Variants in GP1BA observed in about 807,000 individuals in gnomAD.
GP1BA encodes the protein glycoprotein Ib platelet subunit alpha.
Under a neutral mutation model 5.6 loss-of-function variants are expected in GP1BA, and 3 were observed. The observed-to-expected ratio is 0.53, with a 90% CI of 0.24 to 1.38. GP1BA has a LOEUF of 1.38. Among genes scored for constraint, GP1BA ranks in the 40% most tolerant of loss-of-function variants. GP1BA has a pLI of 0.16. For missense variants in GP1BA, 707 were observed against 801.4 expected (o/e 0.88, Z 1.42); for synonymous variants, 323 against 358.3 (o/e 0.90, Z 1.11).
Position 4,933,580 on chromosome 17 carries a change from T to C in GP1BA, c.976T>C (p.Phe326Leu). Reference sequence around the variant, plus strand: ...AGCCCATACAACCCCCTGGGGTCTATTCTACTCATGGTCCACTGCTTCTCT... The same window carrying C: ...AGCCCATACAACCCCCTGGGGTCTACTCTACTCATGGTCCACTGCTTCTCT... Reference protein sequence around the residue: ...TKAHTTPWGLFYSWSTASLDS... With the variant: ...TKAHTTPWGLLYSWSTASLDS... The change falls in exon 2 of 2, where the codon TTC becomes CTC. Residue 326 changes from phenylalanine to leucine, a missense_variant. Transcript: ENST00000329125. 6.2e-7 allele frequency: 1 copy of C among 1,613,864 alleles called. No homozygotes were observed. The highest frequency in any genetic ancestry group is 8.5e-7 in the Non-Finnish European group (1 of 1,179,840).
rs1461825232 is a variant in GP1BA at position 4,934,575 on chromosome 17, T to G, written c.*12T>G. 1.9e-6 allele frequency: 3 copies of G among 1,613,054 alleles called. No homozygotes were observed. Among genetic ancestry groups the G allele is most frequent in the Non-Finnish European group, 2.5e-6 (3 of 1,179,500 alleles). ...GCCACAGCCTCTGAGGGTGGGAGGTTTGGGGACCTTGAGAGAAGAGCCTGT... is the reference window on the plus strand; with the variant it reads ...GCCACAGCCTCTGAGGGTGGGAGGTGTGGGGACCTTGAGAGAAGAGCCTGT... On this transcript the variant is annotated 3_prime_UTR_variant, in exon 2 of 2. Coordinates refer to ENST00000329125, the MANE Select transcript of GP1BA (RefSeq NM_000173.7).
chr17:4,934,525 A>C lies in GP1BA; in HGVS notation c.1921A>C (p.Ser641Arg). The C allele has an allele frequency of 6.2e-7, 1 of 1,613,996 alleles. No individual in the cohort carries two copies. The highest frequency in any genetic ancestry group is 8.5e-7 in the Non-Finnish European group (1 of 1,179,896). Residue 641 changes from serine to arginine, a missense_variant, in exon 2 of 2, where the codon AGC becomes CGC. Ser to Arg is a moderately radical substitution (Grantham distance 110). Transcript: ENST00000329125. ...TCAGGGTCGTGGTCAGGACCTGCTG[A>C]GCACAGTGAGCATTAGGTACTCTGG... is the stretch of plus-strand genomic sequence containing the variant. ...LSQGRGQDLL[S>R]TVSIRYSGHS...
At position 4,934,421 on chromosome 17, in the gene GP1BA, G is replaced by C; in HGVS notation, c.1817G>C (p.Arg606Pro). The change falls in exon 2 of 2, where the codon CGC becomes CCC. Residue 606 changes from arginine to proline, a missense_variant. Coordinates refer to ENST00000329125, the MANE Select transcript of GP1BA (RefSeq NM_000173.7). Reference protein sequence around the residue: ...LFLRGSLPTFRSSLFLWVRPN... With the variant: ...LFLRGSLPTFPSSLFLWVRPN... Reference sequence around the variant, plus strand: ...CTTCGAGGTTCGCTTCCCACTTTCCGCTCCAGCCTCTTCCTGTGGGTACGG... The same window carrying C: ...CTTCGAGGTTCGCTTCCCACTTTCCCCTCCAGCCTCTTCCTGTGGGTACGG... 1 of 1,614,004 alleles carries C rather than the reference G, an allele frequency of 6.2e-7. No individual in the cohort carries two copies. Among genetic ancestry groups the C allele is most frequent in the South Asian group, 1.1e-5 (1 of 91,092 alleles).
Position 4,934,597 on chromosome 17 carries a change from C to CT in GP1BA, c.*35dup, listed in dbSNP as rs746572752. 12 of 1,605,144 alleles carry CT rather than the reference C, an allele frequency of 7.5e-6. No homozygotes were observed. The highest frequency in any genetic ancestry group is 9.4e-6 in the Non-Finnish European group (11 of 1,174,992). On this transcript the variant is annotated 3_prime_UTR_variant, in exon 2 of 2. Coordinates refer to ENST00000329125, the MANE Select transcript of GP1BA (RefSeq NM_000173.7). ...GGTTTGGGGACCTTGAGAGAAGAGC[C>CT]TGTGGGCTCTCCTATTGGAATCTAG...
rs1970357418 is a variant in GP1BA, at chr17:4,932,612, T to G, written c.8T>G (p.Leu3Arg). ...CCTTGCCCACAGGTCCTCATGCCTCTCCTCCTCTTGCTGCTCCTGCTGCCA... is the reference window on the plus strand; with the variant it reads ...CCTTGCCCACAGGTCCTCATGCCTCGCCTCCTCTTGCTGCTCCTGCTGCCA... MP[L>R]LLLLLLLPSP... The change falls in exon 2 of 2, where the codon CTC becomes CGC. Residue 3 changes from leucine (L) to arginine (R), a missense_variant. By Grantham distance (102) the Leu-to-Arg change is moderately radical (BLOSUM62 -2). Coordinates refer to ENST00000329125, the MANE Select transcript of GP1BA (RefSeq NM_000173.7). The surrounding 1 kb of genome is among the most constrained non-coding windows in gnomAD (Gnocchi z 4.8). 1 of 1,612,958 alleles carries G rather than the reference T, an allele frequency of 6.2e-7. No homozygotes were observed. The highest frequency in any genetic ancestry group is 1.3e-5 in the African/African-American group (1 of 74,824).
Position 4,932,829 on chromosome 17 carries a change from G to C in GP1BA, c.225G>C (p.Gln75His), listed in dbSNP as rs1970361979. ...ATLMPYTRLTQLNLDRCELTK... is the reference protein window; with the variant it reads ...ATLMPYTRLTHLNLDRCELTK... ...TGATGCCTTACACTCGCCTCACTCA[G>C]CTGAACCTAGATAGGTGCGAGCTCA... Residue 75 changes from glutamine to histidine, a missense_variant, in exon 2 of 2, where the codon CAG (glutamine) becomes CAC (histidine). Coordinates refer to ENST00000329125, the MANE Select transcript of GP1BA (RefSeq NM_000173.7). This position sits in a 1 kb window ranked among gnomAD's most constrained non-coding sequence, Gnocchi z 4.8. The C allele has an allele frequency of 3.1e-6, 5 of 1,614,006 alleles. No homozygotes were observed. The highest frequency in any genetic ancestry group is 4.2e-6 in the Non-Finnish European group (5 of 1,179,882).
Position 4,933,410 on chromosome 17 carries a change from A to G in GP1BA, c.806A>G (p.Lys269Arg), listed in dbSNP as rs777615895. 2.5e-6 allele frequency: 4 copies of G among 1,613,822 alleles called. No individual in the cohort carries two copies. In the Admixed American group the frequency reaches 6.7e-5, roughly 27 times the overall value. The change falls in exon 2 of 2, where the codon AAG becomes AGG. Residue 269 changes from lysine to arginine, a missense_variant. By Grantham distance (26) the Lys-to-Arg change is conservative (BLOSUM62 2). Coordinates refer to ENST00000329125, the MANE Select transcript of GP1BA (RefSeq NM_000173.7). Reference protein sequence around the residue: ...VASVQCDNSDKFPVYKYPGKG... With the variant: ...VASVQCDNSDRFPVYKYPGKG... Reference sequence around the variant, plus strand: ...AGTGTGCAGTGTGACAATTCAGACAAGTTTCCCGTCTACAAATACCCAGGA... The same window carrying G: ...AGTGTGCAGTGTGACAATTCAGACAGGTTTCCCGTCTACAAATACCCAGGA...
Position 4,932,528 on chromosome 17 carries a change from AGGGGGCTGG to A in GP1BA, c.-6-68_-6-60del. On this transcript the variant is annotated intron_variant, in intron 1 of 1. Coordinates refer to ENST00000329125, the MANE Select transcript of GP1BA (RefSeq NM_000173.7). The surrounding 1 kb of genome is among the most constrained non-coding windows in gnomAD (Gnocchi z 4.8). ...TTCTGGAAGCGAAGCTGCAGGGGGAAGGGGGCTGGGGCCTGGGGGGATGCTTCCAGGGGA... is the reference window on the plus strand; with the variant it reads ...TTCTGGAAGCGAAGCTGCAGGGGGAAGGCCTGGGGGGATGCTTCCAGGGGA... 3 of 1,090,062 alleles carry A rather than the reference AGGGGGCTGG, an allele frequency of 2.8e-6. No individual in the cohort carries two copies. The highest frequency in any genetic ancestry group is 3.7e-6 in the Non-Finnish European group (3 of 814,990). 67.5% of individuals were successfully genotyped at this position (1,090,062 alleles called of 1,614,324 possible). A position where few individuals can be genotyped will look rare whatever the true frequency, so the allele number is the denominator to read the frequency against.
Position 4,932,840 on chromosome 17 carries a change from A to G in GP1BA, c.236A>G (p.Asp79Gly), listed in dbSNP as rs768722388. ...ACTCGCCTCACTCAGCTGAACCTAG[A>G]TAGGTGCGAGCTCACCAAGCTCCAG... ...PYTRLTQLNL[D>G]RCELTKLQVD... Residue 79 changes from aspartate (D) to glycine (G), a missense_variant, in exon 2 of 2, where the codon GAT becomes GGT. Physicochemically the swap from Asp to Gly is moderately conservative, Grantham distance 94. This residue lies in a region of GP1BA where 442 missense variants were observed against 498.8 expected (regional missense o/e 0.89). Transcript: ENST00000329125. The surrounding 1 kb of genome is among the most constrained non-coding windows in gnomAD (Gnocchi z 4.8). 4 of 1,614,032 alleles carry G rather than the reference A, an allele frequency of 2.5e-6. No homozygotes were observed. The highest frequency in any genetic ancestry group is 1.6e-4 in the Middle Eastern group (1 of 6,062).
Position 4,932,572 on chromosome 17 carries a change from A to T in GP1BA, c.-6-27A>T. ...GGATGCTTCCAGGGGATGCAGGGGG[A>T]TCCACTCAAGGCTCCCTTGCCCACA... On this transcript the variant is annotated intron_variant, in intron 1 of 1. Transcript: ENST00000329125. The surrounding 1 kb of genome is among the most constrained non-coding windows in gnomAD (Gnocchi z 4.8). The T allele has an allele frequency of 6.3e-7, 1 of 1,595,120 alleles. No homozygotes were observed. Among genetic ancestry groups the T allele is most frequent in the Non-Finnish European group, 8.6e-7 (1 of 1,168,068 alleles).
chr17:4,934,726 TC>T lies in GP1BA; in HGVS notation c.*166del. ...TCACAACACAGGCACACAATTTCAG[TC>T]CCAGCCAAAGCAGAAGGGGTAATGA... is the stretch of plus-strand genomic sequence containing the variant. On this transcript the variant is annotated 3_prime_UTR_variant, in exon 2 of 2. Transcript: ENST00000329125. 1.4e-6 allele frequency: 1 copy of T among 730,240 alleles called. No homozygotes were observed. The highest frequency in any genetic ancestry group is 2.3e-6 in the Non-Finnish European group (1 of 430,460). The allele number at this position is 730,240 out of a possible 1,614,324, so 45.2% of individuals were successfully genotyped here. A position where few individuals can be genotyped will look rare whatever the true frequency, so the allele number is the denominator to read the frequency against.
chr17:4,934,437 G>T lies in GP1BA; in HGVS notation c.1833G>T (p.Leu611=). 1 of 1,614,068 alleles carries T rather than the reference G, an allele frequency of 6.2e-7. No homozygotes were observed. The highest frequency in any genetic ancestry group is 8.5e-7 in the Non-Finnish European group (1 of 1,179,914). The part of the protein sequence containing the change: ...SLPTFRSSLF[L]WVRPNGRVGP... Reference sequence around the variant, plus strand: ...CCACTTTCCGCTCCAGCCTCTTCCTGTGGGTACGGCCTAATGGCCGTGTGG... The same window carrying T: ...CCACTTTCCGCTCCAGCCTCTTCCTTTGGGTACGGCCTAATGGCCGTGTGG... Residue 611 remains leucine (L), a synonymous_variant, in exon 2 of 2, where the codon CTG becomes CTT. Transcript: ENST00000329125.
rs531243608 is a variant in GP1BA, at chr17:4,932,330, G to C, written c.-42G>C. ...GACGGAGTCGAGTGGCACCCTAGAA[G>C]ACGCTCTGTGCCTTCGGAGGTCTTT... On this transcript the variant is annotated 5_prime_UTR_variant, in exon 1 of 2. Transcript: ENST00000329125. The surrounding 1 kb of genome is among the most constrained non-coding windows in gnomAD (Gnocchi z 4.8). 46 of 1,319,608 alleles carry C rather than the reference G, an allele frequency of 3.5e-5. No individual in the cohort carries two copies. Among genetic ancestry groups the C allele is most frequent in the Non-Finnish European group, 4.4e-5 (45 of 1,029,010 alleles). The allele number at this position is 1,319,608 out of a possible 1,614,324, so 81.7% of individuals were successfully genotyped here.
rs1333853664 is a variant in GP1BA at position 4,932,913 on chromosome 17, T to C, written c.309T>C (p.Asn103=). The change falls in exon 2 of 2, where the codon AAT becomes AAC. Residue 103 remains asparagine (N), a synonymous_variant. Coordinates refer to ENST00000329125, the MANE Select transcript of GP1BA (RefSeq NM_000173.7). The surrounding 1 kb of genome is among the most constrained non-coding windows in gnomAD (Gnocchi z 4.8). ...TGGGGACCCTGGATCTATCCCACAA[T>C]CAGCTGCAAAGCCTGCCCTTGCTAG... ...PVLGTLDLSH[N]QLQSLPLLGQ... The C allele has an allele frequency of 1.2e-6, 2 of 1,613,946 alleles. No homozygotes were observed. The highest frequency in any genetic ancestry group is 1.7e-6 in the Non-Finnish European group (2 of 1,179,870).
At position 4,933,801 on chromosome 17, in the gene GP1BA, G is replaced by C. The variant is rs989805023; in HGVS notation, c.1197G>C (p.Met399Ile). The C allele has an allele frequency of 1.2e-6, 2 of 1,609,942 alleles. No individual in the cohort carries two copies. The highest frequency in any genetic ancestry group is 2.7e-5 in the African/African-American group (2 of 73,388). ...SEPVPEPAPN[M>I]TTLEPTPSPT... ...CCGTCCCGGAGCCCGCCCCAAACAT[G>C]ACCACCCTGGAGCCCACTCCAAGCC... The change falls in exon 2 of 2, where the codon ATG becomes ATC. Residue 399 changes from methionine (M) to isoleucine (I), a missense_variant. Transcript: ENST00000329125.
Position 4,933,375 on chromosome 17 carries a change from T to G in GP1BA, c.771T>G (p.Ser257=), listed in dbSNP as rs1970370883. 1 of 1,613,710 alleles carries G rather than the reference T, an allele frequency of 6.2e-7. No homozygotes were observed. Among genetic ancestry groups the G allele is most frequent in the South Asian group, 1.1e-5 (1 of 91,078 alleles). Residue 257 remains serine (S), a synonymous_variant, in exon 2 of 2, where the codon TCT becomes TCG. Transcript: ENST00000329125. ...KQGVDVKAMT[S]NVASVQCDNS... ...GTGTGGACGTCAAGGCCATGACCTC[T>G]AACGTGGCCAGTGTGCAGTGTGACA...
rs191140599 is a variant in GP1BA at position 4,933,510 on chromosome 17, C to T, written c.906C>T (p.Gly302=). 316 of 1,613,828 alleles carry T rather than the reference C, an allele frequency of 2.0e-4. 1 individual carries two copies. The South Asian group carries it at 2.7e-3, about 14-fold the overall frequency. The change falls in exon 2 of 2, where the codon GGC becomes GGT. Residue 302 remains glycine (G), a synonymous_variant. Transcript: ENST00000329125. ...ACTACCCAGAAGAGGACACTGAGGGCGATAAGGTGCGTGCCACAAGGACTG... is the reference window on the plus strand; with the variant it reads ...ACTACCCAGAAGAGGACACTGAGGGTGATAAGGTGCGTGCCACAAGGACTG... ...YDYYPEEDTE[G]DKVRATRTVV...
chr17:4,934,110 A>G lies in GP1BA; in HGVS notation c.1506A>G (p.Pro502=). ...CCATCCCTGAACTTGATCAGCCACC[A>G]AAGCTCCGTGGGGTGCTCCAAGGGC... The part of the protein sequence containing the change: ...KKTIPELDQP[P]KLRGVLQGHL... Residue 502 remains proline, a synonymous_variant, in exon 2 of 2, where the codon CCA becomes CCG. Transcript: ENST00000329125. The G allele has an allele frequency of 6.2e-7, 1 of 1,613,818 alleles. No homozygotes were observed. Among genetic ancestry groups the G allele is most frequent in the Non-Finnish European group, 8.5e-7 (1 of 1,179,892 alleles).
At position 4,934,823 on chromosome 17, in the gene GP1BA, C is replaced by T; in HGVS notation, c.*260C>T. 1.8e-6 allele frequency: 1 copy of T among 564,646 alleles called. No individual in the cohort carries two copies. The highest frequency in any genetic ancestry group is 3.1e-5 in the Admixed American group (1 of 32,172). 35.0% of individuals were successfully genotyped at this position (564,646 alleles called of 1,614,324 possible). On this transcript the variant is annotated 3_prime_UTR_variant, in exon 2 of 2. Coordinates refer to ENST00000329125, the MANE Select transcript of GP1BA (RefSeq NM_000173.7). ...GGGCGCTGCCAGATCTCACGGTGAA[C>T]CATTTTGGCAGAATACAGCATGGTT...
Sources: gnomAD v4.1 joint callset for allele counts on GRCh38, gnomAD v4.1.1 for gene constraint, gnomAD v4.1.1 regional missense constraint, Gnocchi (gnomAD v3.1) non-coding constraint, MANE v1.5 for transcripts, NCBI Gene and HGNC (gene_info 2026-07-23, HGNC 2026-07-21) for gene names.